The following TRPM7 variants were observed in gnomAD, a reference collection of about 807,000 sequenced individuals.
TRPM7 encodes LTRPC ion channel family member 7.
In TRPM7, 134 loss-of-function variants were observed where a neutral mutation model predicts 229.7. The ratio of observed to expected loss-of-function variants is 0.58; its 90% confidence interval spans 0.51 to 0.67. TRPM7 has a LOEUF of 0.67. Among genes scored for constraint, TRPM7 ranks in the 30% least tolerant of loss-of-function variants. TRPM7 has a pLI of 0.00. For synonymous variants in TRPM7, 699 were observed against 715.2 expected, an observed-to-expected ratio of 0.98 and a Z score of 0.36; for missense variants, 1,901 against 2,210.0, an observed-to-expected ratio of 0.86 and a Z score of 2.80.
intron 3 of TRPM7, among the ~76,000 whole-genome samples, chr15:50,652,061 G>A (rs976919770): frequency 5.9e-5 from 9 of 151,622 alleles, no homozygotes; most frequent in East Asian, 1.9e-4. Context: ...GGCCGGGTGC[G>A]GTGGCTCATG....
At chr15:50,577,964 T>C (rs2054215803) in intron 31 of TRPM7, among the ~76,000 whole-genome samples, 2 of 152,132 alleles carry the variant, frequency 1.3e-5, no homozygotes, top group Admixed American at 6.6e-5. Flanking sequence ...CACAGAACAG[T>C]ATATACTGTA....
At chr15:50,600,436 T>TAA (rs894855873) in intron 21 of TRPM7, among the ~76,000 whole-genome samples, 7,881 of 130,006 alleles carry the variant, frequency 0.061, 281 homozygotes, top group African/African-American at 0.11. Context: ...GACTCCATCT[T>TAA]AAAAAAAAAA....
At chr15:50,680,000 A>C (rs1168563363) in intron 1 of TRPM7, among the ~76,000 whole-genome samples, 1 of 150,450 alleles carries the variant, frequency 6.6e-6, no homozygotes, top group African/African-American at 2.4e-5. Flanking sequence ...TTGGGGGGCC[A>C]AGGTGGGTGG....
At chr15:50,669,672 A>ATACC (rs1380408581) in intron 1 of TRPM7, among the ~76,000 whole-genome samples, 3 of 152,164 alleles carry the variant, frequency 2.0e-5, no homozygotes, top group Non-Finnish European at 4.4e-5. Flanking sequence ...GAACTATGGT[A>ATACC]TACCTGTCAG....
chr15:50,564,482 G>A lies in TRPM7; in HGVS notation c.5468-2674C>T, dbSNP rs188632878. ...ATAGATGAAAATAGTTGCAGAACTG[G>A]AAACAATGCAGTAATATCAACATTA... On this transcript the variant is annotated intron_variant, in intron 38 of 38. Transcript: ENST00000646667. Among the ~76,000 whole-genome samples the A allele has an allele frequency of 2.1e-4, 32 of 151,616 alleles. No individual in the cohort carries two copies. The East Asian group carries it at 6.2e-3, about 29-fold the overall frequency.
At position 50,604,901 on chromosome 15, in the gene TRPM7, GTTGA is replaced by G; in HGVS notation, c.2949_2952del (p.Gln984ArgfsTer6). ...ATCATCATTACATAAGGTCCTGCCT[GTTGA>G]TTTACAGCTAGAAAATCTAGCAAAC... On this transcript the variant is annotated frameshift_variant, in exon 21 of 39. Transcript: ENST00000646667. LOFTEE classifies it high-confidence loss of function. 1 of 1,610,532 alleles carries G rather than the reference GTTGA, an allele frequency of 6.2e-7. No homozygotes were observed. Among genetic ancestry groups the G allele is most frequent in the Non-Finnish European group, 8.5e-7 (1 of 1,178,096 alleles).
chr15:50,567,318 C>T (rs894811206), intron 38 of TRPM7, among the ~76,000 whole-genome samples: 1 of 152,050 alleles, frequency 6.6e-6, no homozygotes, highest in Non-Finnish European at 1.5e-5. Context: ...CCAATGCTAC[C>T]CCTGTCCCCT....
At chr15:50,637,924 A>C (rs769644643) in intron 6 of TRPM7, among the ~76,000 whole-genome samples, 1 of 152,248 alleles carries the variant, frequency 6.6e-6, no homozygotes, top group East Asian at 1.9e-4. Context: ...ACAATATATA[A>C]AAGATATTGT....
chr15:50,666,585 C>T (rs2061887626), intron 1 of TRPM7, among the ~76,000 whole-genome samples: 1 of 152,090 alleles, frequency 6.6e-6, no homozygotes, highest in South Asian at 2.1e-4. Flanking sequence ...GGGCAGATCA[C>T]CTGACGTTGG....
In TRPM7 at chr15:50,570,694, A is replaced by AG. The variant is rs1474763587; in HGVS notation, c.5309-540_5309-539insC. On this transcript the variant is annotated intron_variant, in intron 36 of 38. Coordinates refer to ENST00000646667, the MANE Select transcript of TRPM7 (RefSeq NM_017672.6). ...TTCATTCCTAAAAAAAAAAAAAAAA[A>AG]AAAAAAAAGTTAGCCGGACATGGTG... 2.0e-5 allele frequency among the ~76,000 whole-genome samples: 3 copies of AG among 151,190 alleles called. No individual in the cohort carries two copies. The East Asian group carries it at 5.8e-4, about 29-fold the overall frequency.
At position 50,634,381 on chromosome 15, in the gene TRPM7, C is replaced by T; in HGVS notation, c.1007+1G>A. On this transcript the variant is annotated splice_donor_variant, in intron 8 of 38. Transcript: ENST00000646667. LOFTEE classifies it high-confidence loss of function. The stretch of plus-strand genomic sequence containing the variant: ...TAATTAAAATGTTGTCATACACTTA[C>T]CCTCCTTCTTCTGTTTGTTTATGAA... 6.5e-7 allele frequency: 1 copy of T among 1,545,160 alleles called. No individual in the cohort carries two copies.
At chr15:50,672,831 A>G (rs1596344893) in intron 1 of TRPM7, among the ~76,000 whole-genome samples, 1 of 141,182 alleles carries the variant, frequency 7.1e-6, no homozygotes, top group South Asian at 2.4e-4. Context: ...AATCGCTTGA[A>G]CCAGGGAAGC....
At chr15:50,600,405 C>A (rs1189202549) in intron 21 of TRPM7, among the ~76,000 whole-genome samples, 1 of 150,716 alleles carries the variant, frequency 6.6e-6, no homozygotes, top group East Asian at 1.9e-4. Context: ...CCACTGCACT[C>A]CAGTCTGGGA....
chr15:50,590,145 C>T (rs2059450594), intron 26 of TRPM7, among the ~76,000 whole-genome samples: 1 of 151,858 alleles, frequency 6.6e-6, no homozygotes, highest in Non-Finnish European at 1.5e-5. Flanking sequence ...CCTGAGCCAC[C>T]GCACCTGGCC....
intron 36 of TRPM7, among the ~76,000 whole-genome samples, chr15:50,572,689 T>G (rs1318734947): frequency 2.6e-5 from 4 of 151,908 alleles, no homozygotes; most frequent in Non-Finnish European, 5.9e-5. Flanking sequence ...CATCAGAGAG[T>G]TTTTCACAAC....
intron 34 of TRPM7, 24 bp downstream of exon 34, chr15:50,574,828 T>C (rs2141504755): frequency 1.9e-6 from 3 of 1,598,242 alleles, no homozygotes; most frequent in Non-Finnish European, 2.6e-6. Flanking sequence ...TATGTTCCAC[T>C]ATTAAATATT....
chr15:50,656,585 C>T (rs964165477), intron 3 of TRPM7, among the ~76,000 whole-genome samples: 4 of 151,636 alleles, frequency 2.6e-5, no homozygotes, highest in African/African-American at 9.7e-5. Context: ...ATCCTCCTGC[C>T]TCAACCTCCC....
At chr15:50,617,501 T>C (rs1262609079) in intron 13 of TRPM7, among the ~76,000 whole-genome samples, 1 of 148,168 alleles carries the variant, frequency 6.7e-6, no homozygotes, top group African/African-American at 2.4e-5. Flanking sequence ...CAAAACTTCA[T>C]TTCAAAAAAA....
chr15:50,609,115 C>T (rs1330529605), intron 19 of TRPM7, among the ~76,000 whole-genome samples: 1 of 152,114 alleles, frequency 6.6e-6, no homozygotes, highest in African/African-American at 2.4e-5. Flanking sequence ...CACTTTAATA[C>T]AATTAAAGAA....
Sources: gnomAD v4.1 joint callset for allele counts (sites outside exome capture counted in the v4.1 genomes callset) on GRCh38, gnomAD v4.1.1 for gene constraint, MANE v1.5 for transcripts, NCBI Gene and HGNC (gene_info 2026-07-23, HGNC 2026-07-21) for gene names.